GRIP2: variants seen among roughly 807,000 people sequenced by gnomAD.
GRIP2 encodes glutamate receptor-interacting protein 2.
GRIP2 carries 58 observed loss-of-function variants against 108.3 expected under a neutral mutation model. The observed-to-expected ratio is 0.54, with a 90% CI of 0.43 to 0.67. The LOEUF (loss-of-function observed/expected upper bound fraction) is 0.67, where lower values mean the gene tolerates loss of function less well. GRIP2 is among the 30% of genes least tolerant of loss of function. GRIP2 has a pLI of 0.00. For synonymous variants in GRIP2, 586 were observed against 598.2 expected (o/e 0.98, Z 0.30); for missense variants, 1,278 against 1,430.6 (o/e 0.89, Z 1.72).
chr3:14,497,106 C>G (rs1245999478), intron 21 of GRIP2, among the ~76,000 whole-genome samples: 5 of 152,116 alleles, frequency 3.3e-5, no homozygotes, highest in Non-Finnish European at 7.3e-5. Flanking sequence ...GAACTGCAGG[C>G]ATGTGCCACC....
At chr3:14,595,871 C>G in the GRIP2 span, among the ~76,000 whole-genome samples, 24 of 152,228 alleles carry the variant, frequency 1.6e-4, no homozygotes, top group Non-Finnish European at 2.4e-4. Context: ...GCTTCCTCCC[C>G]CTTCTCTTCT....
the GRIP2 span, chr3:14,602,076 C>G: frequency 2.0e-5 from 3 of 152,362 alleles, no homozygotes; most frequent in African/African-American, 7.2e-5. The surrounding 1 kb of genome is among the most constrained non-coding windows in gnomAD (Gnocchi z 4.7). Context: ...GCCTCGAAGT[C>G]AGCCATTATG....
the GRIP2 span, among the ~76,000 whole-genome samples, chr3:14,575,887 T>C: frequency 6.6e-6 from 1 of 152,238 alleles, no homozygotes; most frequent in Non-Finnish European, 1.5e-5. Context: ...AGATGGCAGC[T>C]GCATGGAGGC....
At chr3:14,544,497 T>G (rs147691813), upstream of GRIP2, among the ~76,000 whole-genome samples, 133 of 152,286 alleles carry the variant, frequency 8.7e-4, 4 homozygotes, top group East Asian at 0.015. Flanking sequence ...GCCTCCGTCC[T>G]TCATCTCTGA....
At chr3:14,592,576 C>T in the GRIP2 span, among the ~76,000 whole-genome samples, 4 of 152,288 alleles carry the variant, frequency 2.6e-5, 1 homozygote, top group South Asian at 4.1e-4. Context: ...GCTGTCCTCA[C>T]GGTTTGGGCT....
the GRIP2 span, chr3:14,573,898 T>G: frequency 1.0e-5 from 12 of 1,185,412 alleles, no homozygotes; most frequent in Non-Finnish European, 1.5e-5. Flanking sequence ...CAGCCCGACC[T>G]GTCGTTGTGC....
intron 16 of GRIP2, 24 bp from the exon 17 acceptor site, chr3:14,509,988 G>C: frequency 7.0e-7 from 1 of 1,436,790 alleles, no homozygotes; most frequent in Non-Finnish European, 9.2e-7. Context: ...GACCCATGAG[G>C]AGGAGGCCCC....
At chr3:14,567,002 G>A in the GRIP2 span, among the ~76,000 whole-genome samples, 1 of 152,042 alleles carries the variant, frequency 6.6e-6, no homozygotes, top group Non-Finnish European at 1.5e-5. Context: ...ACAATCTTCT[G>A]TGGCTCCCAA....
At chr3:14,573,459 A>T in the GRIP2 span, 1 of 1,527,580 alleles carries the variant, frequency 6.5e-7, no homozygotes, top group Non-Finnish European at 9.1e-7. Context: ...CAGGCGGTAG[A>T]ACTGGTCAGG....
At chr3:14,519,694 G>C in intron 9 of GRIP2, among the ~76,000 whole-genome samples, 1 of 152,110 alleles carries the variant, frequency 6.6e-6, no homozygotes, top group Non-Finnish European at 1.5e-5. Context: ...ATAGCTGGGA[G>C]ACCCTGACTC....
At chr3:14,532,784 C>T (rs139740499) in intron 1 of GRIP2, among the ~76,000 whole-genome samples, 1 of 151,558 alleles carries the variant, frequency 6.6e-6, no homozygotes, top group Admixed American at 6.6e-5. Flanking sequence ...GGTTCCGGGC[C>T]GGATCCTGTA....
the GRIP2 span, among the ~76,000 whole-genome samples, chr3:14,580,438 G>A: frequency 6.6e-6 from 1 of 152,218 alleles, no homozygotes; most frequent in Non-Finnish European, 1.5e-5. Context: ...GTGCACACTT[G>A]TATTCCCAGC....
At chr3:14,561,096 T>C in the GRIP2 span, among the ~76,000 whole-genome samples, 547 of 152,342 alleles carry the variant, frequency 3.6e-3, 1 homozygote, top group Non-Finnish European at 5.9e-3. Context: ...CATCTGAAGC[T>C]TGCTCATTAC....
chr3:14,598,057 C>T, the GRIP2 span, among the ~76,000 whole-genome samples: 3 of 152,160 alleles, frequency 2.0e-5, no homozygotes, highest in Admixed American at 6.5e-5. Context: ...GCTCCAGATG[C>T]CGCTTTGTTC....
chr3:14,574,941 G>C, the GRIP2 span: 1 of 203,356 alleles, frequency 4.9e-6, no homozygotes, highest in Admixed American at 5.7e-5. Flanking sequence ...TCAAGCACAG[G>C]TGAAAACAAA....
At chr3:14,531,180 A>T (rs1694702424) in intron 1 of GRIP2, 1 of 152,204 alleles carries the variant, frequency 6.6e-6, no homozygotes, top group Non-Finnish European at 1.5e-5. Flanking sequence ...CATCTGTGAA[A>T]ATGACAGTTT....
chr3:14,501,015 C>A (rs1259634641), intron 21 of GRIP2, among the ~76,000 whole-genome samples: 2 of 152,130 alleles, frequency 1.3e-5, no homozygotes, highest in Middle Eastern at 3.2e-3. Context: ...AAGGCCATGG[C>A]CTTCCCTTCA....
At chr3:14,529,831 A>C (rs1418915010) in intron 1 of GRIP2, among the ~76,000 whole-genome samples, 6 of 152,180 alleles carry the variant, frequency 3.9e-5, no homozygotes, top group Admixed American at 3.3e-4. Context: ...ACTCATCTTT[A>C]GTAGTGCTTC....
At chr3:14,582,777 C>A in the GRIP2 span, among the ~76,000 whole-genome samples, 1 of 152,204 alleles carries the variant, frequency 6.6e-6, no homozygotes, top group Non-Finnish European at 1.5e-5. Context: ...GATTCTGCTT[C>A]ATTCATTTTC....
Sources: gnomAD v4.1 joint callset for allele counts (sites outside exome capture counted in the v4.1 genomes callset) on GRCh38, gnomAD v4.1.1 for gene constraint, Gnocchi (gnomAD v3.1) non-coding constraint, MANE v1.5 for transcripts, NCBI Gene and HGNC (gene_info 2026-07-23, HGNC 2026-07-21) for gene names.